The following IGF1 variants were observed in gnomAD, a reference collection of about 807,000 sequenced individuals.
IGF1 encodes insulin-like growth factor 1.
A neutral mutation model predicts 13.8 loss-of-function variants in IGF1; 4 were observed. The observed-to-expected ratio is 0.29, with a 90% CI of 0.14 to 0.66. The LOEUF (loss-of-function observed/expected upper bound fraction) is 0.66. Ranked by LOEUF, IGF1 falls within the 30% of genes least tolerant of loss-of-function variation. IGF1 has a pLI of 0.78. For synonymous variants in IGF1, 76 were observed against 72.6 expected, an observed-to-expected ratio of 1.05 and a Z score of -0.23; for missense variants, 124 against 188.5, an observed-to-expected ratio of 0.66 and a Z score of 2.00.
chr12:102,475,612 G>C, intron 2 of IGF1, 31 bp downstream of exon 2: 1 of 1,612,550 alleles, frequency 6.2e-7, no homozygotes, highest in Non-Finnish European at 8.5e-7. Context: ...CTTTAGACTT[G>C]AGCAGCACAT....
chr12:102,469,736 C>G (rs762885126), intron 2 of IGF1, among the ~76,000 whole-genome samples: 8 of 152,050 alleles, frequency 5.3e-5, no homozygotes, highest in Non-Finnish European at 1.0e-4. Flanking sequence ...GCAAGAGAAC[C>G]TAGCTTTGTT....
chr12:102,403,599 G>A (rs1055096980), intron 3 of IGF1, among the ~76,000 whole-genome samples: 2 of 148,932 alleles, frequency 1.3e-5, no homozygotes, highest in African/African-American at 2.5e-5. Context: ...TGGGACCACA[G>A]GCGCATGCCA....
chr12:102,453,408 G>A (rs1014437179), intron 2 of IGF1, among the ~76,000 whole-genome samples: 21 of 152,256 alleles, frequency 1.4e-4, no homozygotes, highest in South Asian at 6.2e-4. Flanking sequence ...AGTGGCCTCC[G>A]GTATTCAATT....
chr12:102,433,806 G>C (rs1876958847), intron 2 of IGF1, among the ~76,000 whole-genome samples: 1 of 151,980 alleles, frequency 6.6e-6, no homozygotes, highest in Non-Finnish European at 1.5e-5. Flanking sequence ...CTAACACCAG[G>C]GCCAGTCTCA....
At chr12:102,429,872 T>G (rs983277011) in intron 2 of IGF1, among the ~76,000 whole-genome samples, 8 of 152,226 alleles carry the variant, frequency 5.3e-5, no homozygotes, top group Admixed American at 2.6e-4. Flanking sequence ...TGAATTTCCT[T>G]TCTGAGAACT....
intron 1 of IGF1, among the ~76,000 whole-genome samples, chr12:102,476,442 A>G (rs868449476): frequency 6.6e-6 from 1 of 151,720 alleles, no homozygotes; most frequent in South Asian, 2.1e-4. Context: ...AGAGAGAGAG[A>G]GACTGATTCC....
At chr12:102,427,387 G>A (rs185163415) in intron 2 of IGF1, among the ~76,000 whole-genome samples, 29 of 152,100 alleles carry the variant, frequency 1.9e-4, no homozygotes, top group African/African-American at 4.1e-4. Flanking sequence ...CGAGGGTAAC[G>A]CCCTCTTTCT....
At chr12:102,419,079 A>G (rs1051728093) in intron 3 of IGF1, among the ~76,000 whole-genome samples, 22 of 152,354 alleles carry the variant, frequency 1.4e-4, no homozygotes, top group African/African-American at 5.3e-4. Flanking sequence ...TTATGCAGGC[A>G]TGTGAAAAGC....
intron 2 of IGF1, among the ~76,000 whole-genome samples, chr12:102,441,090 A>G (rs5742657): frequency 0.067 from 10,184 of 152,194 alleles, 688 homozygotes; most frequent in East Asian, 0.27. Context: ...CAGTCCCTTC[A>G]CTGCACTTTG....
intron 1 of IGF1, among the ~76,000 whole-genome samples, chr12:102,476,214 A>G (rs1881026796): frequency 6.6e-6 from 1 of 152,224 alleles, no homozygotes; most frequent in Non-Finnish European, 1.5e-5. Flanking sequence ...TTGGGGCCAA[A>G]TAAGTTTTGT....
upstream of IGF1, chr12:102,480,697 T>C (rs989882700): frequency 2.3e-6 from 2 of 884,638 alleles, no homozygotes; most frequent in African/African-American, 3.4e-5. Flanking sequence ...TTTTTGGGCA[T>C]GGTGACAAAT....
chr12:102,427,941 G>A (rs954093743), intron 2 of IGF1, among the ~76,000 whole-genome samples: 1 of 152,002 alleles, frequency 6.6e-6, no homozygotes, highest in Non-Finnish European at 1.5e-5. Flanking sequence ...CTTTCATGCT[G>A]GTGTATCAAC....
At chr12:102,480,678 G>T (rs1368818170), upstream of IGF1, 3 of 1,153,190 alleles carry the variant, frequency 2.6e-6, no homozygotes, top group South Asian at 3.5e-5. Flanking sequence ...AAGTTATTGA[G>T]TAAGGACTTT....
chr12:102,417,033 G>A (rs1184714039), intron 3 of IGF1, among the ~76,000 whole-genome samples: 3 of 152,134 alleles, frequency 2.0e-5, no homozygotes, highest in Admixed American at 1.3e-4. Context: ...CCGAGGGGAG[G>A]AGCCCATGAC....
chr12:102,479,395 C>T (rs770312441), intron 1 of IGF1, among the ~76,000 whole-genome samples: 26 of 151,936 alleles, frequency 1.7e-4, no homozygotes, highest in African/African-American at 6.0e-4. Flanking sequence ...AGCTTAAAAG[C>T]GCTTGCAAAT....
chr12:102,441,936 T>A (rs1026800371), intron 2 of IGF1, among the ~76,000 whole-genome samples: 1 of 136,106 alleles, frequency 7.3e-6, no homozygotes, highest in Non-Finnish European at 1.6e-5. Context: ...TTCTTCTTCT[T>A]CTTCTTCTTC....
At chr12:102,456,877 A>G (rs1879454620) in intron 2 of IGF1, among the ~76,000 whole-genome samples, 1 of 152,192 alleles carries the variant, frequency 6.6e-6, no homozygotes, top group African/African-American at 2.4e-5. Flanking sequence ...GATGTACTCT[A>G]GCCTAGCCCT....
chr12:102,472,327 A>T (rs1209640552), intron 2 of IGF1, among the ~76,000 whole-genome samples: 1 of 152,150 alleles, frequency 6.6e-6, no homozygotes, highest in African/African-American at 2.4e-5. Flanking sequence ...CTTGGGCTTG[A>T]AGGGGAATAT....
In IGF1 at chr12:102,398,825, TAAAG is replaced by T. The variant is rs1401127601; in HGVS notation, c.*3678_*3681del. ...TTTTTTTTTTAGTCAAGTACTTTCT[TAAAG>T]AAACAATAGCACCACATTGGCATAG... On this transcript the variant is annotated 3_prime_UTR_variant, in exon 4 of 4. Transcript: ENST00000337514. 1 of 152,480 alleles carries T rather than the reference TAAAG, an allele frequency of 6.6e-6. No individual in the cohort carries two copies. The highest frequency in any genetic ancestry group is 1.5e-5 in the Non-Finnish European group (1 of 68,000). The allele number at this position is 152,480 out of a possible 1,614,324, so 9.4% of individuals were successfully genotyped here. A position where few individuals can be genotyped will look rare whatever the true frequency, so the allele number is the denominator to read the frequency against.
Sources: gnomAD v4.1 joint callset for allele counts (sites outside exome capture counted in the v4.1 genomes callset) on GRCh38, gnomAD v4.1.1 for gene constraint, MANE v1.5 for transcripts, NCBI Gene and HGNC (gene_info 2026-07-23, HGNC 2026-07-21) for gene names.